Variants in GALNT7 observed in about 807,000 individuals in gnomAD.
GALNT7 encodes N-acetylgalactosaminyltransferase 7.
Under a neutral mutation model 82.1 loss-of-function variants are expected in GALNT7, and 60 were observed. The ratio of observed to expected loss-of-function variants is 0.73; its 90% CI spans 0.59 to 0.91. The LOEUF (loss-of-function observed/expected upper bound fraction) is 0.91. Among genes scored for constraint, GALNT7 ranks in the 40% least tolerant of loss-of-function variants. The probability of loss-of-function intolerance (pLI) is 0.00; values close to 1 mark genes in which losing one functional copy is unlikely to be tolerated. For synonymous variants in GALNT7, 243 were observed against 275.1 expected (o/e 0.88, Z 1.15); for missense variants, 660 against 804.2 (o/e 0.82, Z 2.17).
At chr4:173,255,376 TC>T (rs1459336753) in intron 2 of GALNT7, among the ~76,000 whole-genome samples, 1 of 152,136 alleles carries the variant, frequency 6.6e-6, no homozygotes, top group Non-Finnish European at 1.5e-5. Flanking sequence ...TATCTTCATT[TC>T]CCCTCTCTTC....
chr4:173,227,064 A>G (rs894096120), intron 1 of GALNT7, among the ~76,000 whole-genome samples: 1 of 152,200 alleles, frequency 6.6e-6, no homozygotes, highest in East Asian at 1.9e-4. Context: ...TGTGGTTAAA[A>G]GCCAATCTAA....
intron 8 of GALNT7, among the ~76,000 whole-genome samples, chr4:173,309,964 G>A (rs1255217280): frequency 6.6e-6 from 1 of 152,108 alleles, no homozygotes; most frequent in Non-Finnish European, 1.5e-5. Context: ...GAGCTGAGAG[G>A]TGGCTATTTA....
chr4:173,288,446 A>G (rs888451683), intron 2 of GALNT7, among the ~76,000 whole-genome samples: 3 of 152,044 alleles, frequency 2.0e-5, no homozygotes, highest in African/African-American at 4.8e-5. Context: ...GTTTTCGACA[A>G]ACAGCCAGCA....
chr4:173,178,907 A>G (rs1437942491), intron 1 of GALNT7, among the ~76,000 whole-genome samples: 1 of 152,238 alleles, frequency 6.6e-6, no homozygotes, highest in East Asian at 1.9e-4. Flanking sequence ...ATTTTGTATG[A>G]GAATAGAGTA....
At chr4:173,246,654 AACTG>A (rs1239271154) in intron 1 of GALNT7, among the ~76,000 whole-genome samples, 1 of 152,216 alleles carries the variant, frequency 6.6e-6, no homozygotes, top group Admixed American at 6.5e-5. Context: ...CGTCTGAAAT[AACTG>A]ACTTTCTATA....
Position 173,295,749 on chromosome 4 carries a change from C to A in GALNT7, c.886-15C>A. 1 of 1,555,640 alleles carries A rather than the reference C, an allele frequency of 6.4e-7. No homozygotes were observed. Among genetic ancestry groups the A allele is most frequent in the Non-Finnish European group, 8.9e-7 (1 of 1,127,174 alleles). ...TATATGAGGAGTATTCTTTCACCTG[C>A]CTCTTTTTTTTAAGGTTTTGATATA... On this transcript the variant is annotated splice_polypyrimidine_tract_variant and intron_variant, in intron 4 of 11. Coordinates refer to ENST00000265000, the MANE Select transcript of GALNT7 (RefSeq NM_017423.3).
chr4:173,235,043 A>G (rs1216684383), intron 1 of GALNT7, among the ~76,000 whole-genome samples: 1 of 151,998 alleles, frequency 6.6e-6, no homozygotes, highest in African/African-American at 2.4e-5. Flanking sequence ...TCTTTATAGC[A>G]ATACAAATGG....
intron 2 of GALNT7, among the ~76,000 whole-genome samples, chr4:173,284,301 GTGGT>G (rs1184689883): frequency 6.6e-6 from 1 of 152,104 alleles, no homozygotes; most frequent in African/African-American, 2.4e-5. Flanking sequence ...AATGTCCAGG[GTGGT>G]TACAGTCAAG....
chr4:173,244,712 G>A (rs570724830), intron 1 of GALNT7, among the ~76,000 whole-genome samples: 1 of 152,182 alleles, frequency 6.6e-6, no homozygotes, highest in African/African-American at 2.4e-5. Context: ...AGAGGTGAGG[G>A]TGCCTGAATT....
chr4:173,218,870 A>G (rs909450516), intron 1 of GALNT7, among the ~76,000 whole-genome samples: 1 of 152,078 alleles, frequency 6.6e-6, no homozygotes, highest in Non-Finnish European at 1.5e-5. Context: ...TTCCTCTCAT[A>G]CTGTGCTAGA....
intron 1 of GALNT7, among the ~76,000 whole-genome samples, chr4:173,214,863 A>T (rs1252754690): frequency 6.6e-6 from 1 of 150,906 alleles, no homozygotes; most frequent in African/African-American, 2.4e-5. Flanking sequence ...CCAAAATGTT[A>T]CTCAAAACCT....
rs746834136 is a variant in GALNT7 at position 173,314,134 on chromosome 4, C to G, written c.1566C>G (p.Thr522=). The G allele has an allele frequency of 6.2e-7, 1 of 1,613,776 alleles. No homozygotes were observed. Among genetic ancestry groups the G allele is most frequent in the Non-Finnish European group, 8.5e-7 (1 of 1,179,732 alleles). ...TGGAAGAAATAGCTTATGATATCACCTCACACTACCCTTTGCCACCCAAAA... is the reference window on the plus strand; with the variant it reads ...TGGAAGAAATAGCTTATGATATCACGTCACACTACCCTTTGCCACCCAAAA... ...WFMEEIAYDI[T]SHYPLPPKNV... is the part of the protein sequence containing the mutation. The change falls in exon 9 of 12, where the codon ACC becomes ACG. Residue 522 remains threonine, a synonymous_variant. Coordinates refer to ENST00000265000, the MANE Select transcript of GALNT7 (RefSeq NM_017423.3).
At chr4:173,313,570 C>CAAAAAA (rs957463269) in intron 8 of GALNT7, among the ~76,000 whole-genome samples, 1 of 62,302 alleles carries the variant, frequency 1.6e-5, no homozygotes, top group Non-Finnish European at 3.7e-5. Flanking sequence ...GACCCCATCA[C>CAAAAAA]AAAAAAAAAA....
chr4:173,299,290 AT>A (rs1191928559), intron 6 of GALNT7, among the ~76,000 whole-genome samples: 1 of 152,156 alleles, frequency 6.6e-6, no homozygotes, highest in African/African-American at 2.4e-5. Context: ...CATTTACCAA[AT>A]TTTTTTTGGT....
intron 2 of GALNT7, among the ~76,000 whole-genome samples, chr4:173,276,755 C>T (rs1204551493): frequency 6.6e-6 from 1 of 152,158 alleles, no homozygotes; most frequent in East Asian, 1.9e-4. Flanking sequence ...GCCAAGCAAC[C>T]TTCTCATTGT....
chr4:173,188,618 G>A (rs1732526789), intron 1 of GALNT7, among the ~76,000 whole-genome samples: 1 of 152,216 alleles, frequency 6.6e-6, no homozygotes, highest in South Asian at 2.1e-4. Flanking sequence ...AGAAAGCGCT[G>A]TGGACAGATG....
At chr4:173,279,840 TG>T (rs1320999582) in intron 2 of GALNT7, among the ~76,000 whole-genome samples, 1 of 152,028 alleles carries the variant, frequency 6.6e-6, no homozygotes, top group African/African-American at 2.4e-5. Context: ...CCAGGTGTGG[TG>T]GCGCGTACCT....
At chr4:173,232,384 A>G (rs1026595540) in intron 1 of GALNT7, among the ~76,000 whole-genome samples, 9 of 152,134 alleles carry the variant, frequency 5.9e-5, no homozygotes, top group African/African-American at 1.4e-4. Context: ...TGATACATGC[A>G]TACAGTGTGT....
At chr4:173,195,405 GC>G in intron 1 of GALNT7, among the ~76,000 whole-genome samples, 1 of 152,256 alleles carries the variant, frequency 6.6e-6, no homozygotes, top group East Asian at 1.9e-4. Flanking sequence ...GGAGTCTAAT[GC>G]CCTTCCATTC....
Sources: gnomAD v4.1 joint callset for allele counts (sites outside exome capture counted in the v4.1 genomes callset) on GRCh38, gnomAD v4.1.1 for gene constraint, MANE v1.5 for transcripts, NCBI Gene and HGNC (gene_info 2026-07-23, HGNC 2026-07-21) for gene names.